The following PCNT variants were observed in gnomAD, a reference collection of about 807,000 sequenced individuals.
PCNT encodes pericentrin, also known as kendrin.
In PCNT, 319 loss-of-function variants were observed where a neutral mutation model predicts 380.4. The ratio of observed to expected loss-of-function variants is 0.84; its 90% CI spans 0.77 to 0.92. The LOEUF (loss-of-function observed/expected upper bound fraction) is 0.92, where lower values mean the gene tolerates loss of function less well. PCNT is among the 40% of genes least tolerant of loss of function. PCNT has a pLI of 0.00. For missense variants in PCNT, 4,400 were observed against 4,255.3 expected (o/e 1.03, Z -0.95); for synonymous variants, 1,845 against 1,735.2 (o/e 1.06, Z -1.57).
intron 26 of PCNT, 79 bp downstream of exon 26, chr21:46,401,800 C>A: frequency 7.6e-7 from 1 of 1,324,444 alleles, no homozygotes; most frequent in Non-Finnish European, 1.1e-6. Flanking sequence ...ATCCGATGTC[C>A]AGATAACACA....
In PCNT at chr21:46,416,388, G is replaced by A. The variant is rs752108684; in HGVS notation, c.6470G>A (p.Gly2157Glu). The stretch of plus-strand genomic sequence containing the variant: ...GCGTGTGATGCCAATACAACCCCAG[G>A]GGGTGTAACTGATGTTATCAAAAAT... ...IDACDANTTPGGVTDVIKNWD... is the reference protein window; with the variant it reads ...IDACDANTTPEGVTDVIKNWD... Residue 2157 changes from glycine to glutamate, a missense_variant, in exon 30 of 47, where the codon GGG becomes GAG. Gly to Glu is a moderately conservative substitution (Grantham distance 98, BLOSUM62 -2). Coordinates refer to ENST00000359568, the MANE Select transcript of PCNT (RefSeq NM_006031.6). 1 of 1,614,140 alleles carries A rather than the reference G, an allele frequency of 6.2e-7. No homozygotes were observed. Among genetic ancestry groups the A allele is most frequent in the Admixed American group, 1.7e-5 (1 of 60,016 alleles).
At chr21:46,393,156 C>G (rs1243082907) in intron 21 of PCNT, among the ~76,000 whole-genome samples, 3 of 152,210 alleles carry the variant, frequency 2.0e-5, no homozygotes, top group Admixed American at 6.5e-5. Context: ...CCCCCGCACT[C>G]TGTGTGTCCA....
intron 35 of PCNT, among the ~76,000 whole-genome samples, chr21:46,429,301 G>C (rs1247356497): frequency 3.1e-5 from 3 of 97,718 alleles, no homozygotes; most frequent in African/African-American, 1.2e-4. Context: ...GGGGGGTGCC[G>C]GCGCTGTGCG....
rs1230201893 is a variant in PCNT, at chr21:46,411,956, G to A, written c.5883G>A (p.Val1961=). 1 of 1,598,676 alleles carries A rather than the reference G, an allele frequency of 6.3e-7. No homozygotes were observed. The highest frequency in any genetic ancestry group is 1.7e-5 in the Admixed American group (1 of 59,824). The part of the protein sequence containing the change: ...QARRATAHTR[V]PGAHPQPRMD... ...GCAGAGCCACAGCTCACACACGGGTGCCCGGGGCCCACCCACAGCCTCGCA... is the reference window on the plus strand; with the variant it reads ...GCAGAGCCACAGCTCACACACGGGTACCCGGGGCCCACCCACAGCCTCGCA... The change falls in exon 28 of 47, where the codon GTG becomes GTA. Residue 1961 remains valine (V), a synonymous_variant. Transcript: ENST00000359568.
intron 14 of PCNT, among the ~76,000 whole-genome samples, chr21:46,364,569 T>A (rs182385876): frequency 3.9e-5 from 6 of 152,400 alleles, no homozygotes; most frequent in Admixed American, 2.0e-4. Flanking sequence ...GTGTTTTTTT[T>A]AACTTAAACA....
Position 46,411,825 on chromosome 21 carries a change from G to A in PCNT, c.5752G>A (p.Glu1918Lys), listed in dbSNP as rs749854039. ...CCTGGCAGCCGGGGCGGCGCCTCCC[G>A]AGCTGCAGTGGCTCCGAGCGCAGTG... ...QPLAAGAAPP[E>K]LQWLRAQCAR... The change falls in exon 28 of 47, where the codon GAG (glutamate) becomes AAG (lysine). Residue 1918 changes from glutamate to lysine, a missense_variant. Glu to Lys is a moderately conservative substitution (Grantham distance 56). Transcript: ENST00000359568. 2.5e-6 allele frequency: 4 copies of A among 1,571,906 alleles called. No individual in the cohort carries two copies. The highest frequency in any genetic ancestry group is 3.4e-6 in the Non-Finnish European group (4 of 1,164,086).
chr21:46,440,063 C>T lies in PCNT; in HGVS notation c.9274-20C>T, dbSNP rs1569310925. On this transcript the variant is annotated intron_variant, in intron 41 of 46. Transcript: ENST00000359568. ...TTGACGAGCAGCTCTGTAGACAGCG[C>T]TGGCTGTGCTTCCTTACAGAGGTCG... The T allele has an allele frequency of 6.2e-7, 1 of 1,613,910 alleles. No homozygotes were observed. Among genetic ancestry groups the T allele is most frequent in the Non-Finnish European group, 8.5e-7 (1 of 1,179,976 alleles).
intron 2 of PCNT, among the ~76,000 whole-genome samples, chr21:46,328,636 T>G (rs904187676): frequency 6.6e-6 from 1 of 151,904 alleles, no homozygotes; most frequent in African/African-American, 2.4e-5. Context: ...AATTTTTGTA[T>G]TTTTAGTAGA....
chr21:46,424,655 G>C (rs1449724190), intron 32 of PCNT, among the ~76,000 whole-genome samples: 2 of 152,096 alleles, frequency 1.3e-5, no homozygotes, highest in African/African-American at 2.4e-5. Context: ...TGGAAGAGAG[G>C]GGCCAAGCAG....
At position 46,388,947 on chromosome 21, in the gene PCNT, C is replaced by T. The variant is rs902164170; in HGVS notation, c.3607+63C>T. ...GCAGCCCCTCTGTGGTCCTGGAGCT[C>T]TCTGAGAGGAGCCTCCGTATTGGGC... On this transcript the variant is annotated intron_variant, in intron 18 of 46. Transcript: ENST00000359568. This position sits in a 1 kb window ranked among gnomAD's most constrained non-coding sequence, Gnocchi z 4.2. 4 of 1,539,784 alleles carry T rather than the reference C, an allele frequency of 2.6e-6. No homozygotes were observed. Among genetic ancestry groups the T allele is most frequent in the Admixed American group, 1.9e-5 (1 of 51,312 alleles).
rs551357182 is a variant in PCNT, at chr21:46,432,239, C to G, written c.8751+24C>G. On this transcript the variant is annotated intron_variant, in intron 38 of 46. Coordinates refer to ENST00000359568, the MANE Select transcript of PCNT (RefSeq NM_006031.6). ...TGGTGAGAGCCGCCTGCCGGCGGAG[C>G]GTCCACACCTAAAAACGATAAGCAA... is the stretch of plus-strand genomic sequence containing the variant. 4 of 1,586,408 alleles carry G rather than the reference C, an allele frequency of 2.5e-6. No individual in the cohort carries two copies. The African/African-American group carries it at 5.4e-5, about 21-fold the overall frequency.
chr21:46,360,213 A>ATTTTT (rs71318070), intron 13 of PCNT, among the ~76,000 whole-genome samples: 1 of 82,462 alleles, frequency 1.2e-5, no homozygotes, highest in Non-Finnish European at 2.1e-5. Context: ...ATAGTTGGCA[A>ATTTTT]TTTTTTTTTT....
chr21:46,439,135 T>C (rs1026016539), intron 41 of PCNT, among the ~76,000 whole-genome samples: 5 of 152,332 alleles, frequency 3.3e-5, no homozygotes, highest in African/African-American at 1.2e-4. Context: ...ATTTGCCCTT[T>C]CCTGGTGTAG....
chr21:46,412,776 GA>G, intron 28 of PCNT, 60 bp from the exon 29 acceptor site: 1 of 1,586,244 alleles, frequency 6.3e-7, no homozygotes, highest in Non-Finnish European at 8.6e-7. Flanking sequence ...CAGGCCACCT[GA>G]GGGGCAGCCC....
At chr21:46,370,873 A>G (rs935079542) in intron 15 of PCNT, among the ~76,000 whole-genome samples, 2 of 152,166 alleles carry the variant, frequency 1.3e-5, no homozygotes, top group African/African-American at 4.8e-5. Flanking sequence ...GTTTCTACTA[A>G]AAATACAAAA....
intron 44 of PCNT, among the ~76,000 whole-genome samples, 186 bp from the exon 45 acceptor site, chr21:46,443,624 G>A (rs535809439): frequency 7.2e-4 from 109 of 152,308 alleles, no homozygotes; most frequent in African/African-American, 2.4e-3. Context: ...GATGCAGATA[G>A]TCAAAGCTCA....
intron 35 of PCNT, among the ~76,000 whole-genome samples, chr21:46,429,537 T>C: frequency 6.6e-6 from 1 of 152,084 alleles, no homozygotes; most frequent in South Asian, 2.1e-4. Flanking sequence ...CACTGGTCTG[T>C]TTTCTGTTGT....
intron 44 of PCNT, 63 bp downstream of exon 44, chr21:46,442,636 A>T: frequency 9.5e-7 from 1 of 1,052,204 alleles, no homozygotes. Flanking sequence ...CTTGTTTTTC[A>T]TTCACTTTGG....
rs759593322 is a variant in PCNT, at chr21:46,425,968, G to A, written c.7317G>A (p.Thr2439=). The A allele has an allele frequency of 5.6e-6, 9 of 1,613,882 alleles. No individual in the cohort carries two copies. Among genetic ancestry groups the A allele is most frequent in the East Asian group, 2.2e-5 (1 of 44,876 alleles). The change falls in exon 33 of 47, where the codon ACG becomes ACA. Residue 2439 remains threonine (T), a synonymous_variant. Coordinates refer to ENST00000359568, the MANE Select transcript of PCNT (RefSeq NM_006031.6). This position sits in a 1 kb window ranked among gnomAD's most constrained non-coding sequence, Gnocchi z 4.2. ...IQDISLHGGK[T]QEVPTACPDW... is the part of the protein sequence containing the mutation. ...ACATCTCGCTCCATGGGGGAAAGAC[G>A]CAGGTTTATTTTGCCCTTCACACAC... is the stretch of plus-strand genomic sequence containing the variant.
Sources: gnomAD v4.1 joint callset for allele counts (sites outside exome capture counted in the v4.1 genomes callset) on GRCh38, gnomAD v4.1.1 for gene constraint, Gnocchi (gnomAD v3.1) non-coding constraint, MANE v1.5 for transcripts, NCBI Gene and HGNC (gene_info 2026-07-23, HGNC 2026-07-21) for gene names.